Variants in SGMS1 observed in about 807,000 individuals in gnomAD.
The protein encoded by SGMS1 is sphingomyelin synthase 1.
A neutral mutation model predicts 46.2 loss-of-function variants in SGMS1; 13 were observed. The ratio of observed to expected loss-of-function variants is 0.28; its 90% CI spans 0.18 to 0.45. The LOEUF (loss-of-function observed/expected upper bound fraction) is 0.45, where lower values mean the gene tolerates loss of function less well. Ranked by LOEUF, SGMS1 falls within the 20% of genes least tolerant of loss-of-function variation. The pLI, the probability that SGMS1 is intolerant of heterozygous loss-of-function variation, is 1.00. For synonymous variants in SGMS1, 203 were observed against 187.8 expected, an observed-to-expected ratio of 1.08 and a Z score of -0.66; for missense variants, 324 against 519.9, an observed-to-expected ratio of 0.62 and a Z score of 3.66.
intron 1 of SGMS1, chr10:50,623,436 A>G: frequency 3.4e-6 from 1 of 292,954 alleles, no homozygotes; most frequent in East Asian, 1.8e-4. Context: ...TCCCCGCCCC[A>G]ACTTAGCCGG....
At chr10:50,553,660 C>A (rs1480866144) in intron 2 of SGMS1, among the ~76,000 whole-genome samples, 1 of 152,078 alleles carries the variant, frequency 6.6e-6, no homozygotes, top group Non-Finnish European at 1.5e-5. Flanking sequence ...GTCTCTGAAC[C>A]ACTGCTTTTA....
rs1847178320 is a variant in SGMS1, at chr10:50,306,043, T to C, written c.*1099A>G. The C allele has an allele frequency of 6.5e-6, 1 of 152,740 alleles. No homozygotes were observed. Among genetic ancestry groups the C allele is most frequent in the Non-Finnish European group, 1.5e-5 (1 of 67,986 alleles). The allele number at this position is 152,740 out of a possible 1,614,324, so 9.5% of individuals were successfully genotyped here. A position where few individuals can be genotyped will look rare whatever the true frequency, so the allele number is the denominator to read the frequency against. Reference sequence around the variant, plus strand: ...CATGAGAGTATGGATAACTAATTCATAGCTTTCAAGTTTTAGGTAAGTGAT... The same window carrying C: ...CATGAGAGTATGGATAACTAATTCACAGCTTTCAAGTTTTAGGTAAGTGAT... On this transcript the variant is annotated 3_prime_UTR_variant, in exon 11 of 11. Transcript: ENST00000361781.
intron 6 of SGMS1, among the ~76,000 whole-genome samples, chr10:50,350,824 G>A (rs549099203): frequency 8.3e-4 from 126 of 152,258 alleles, no homozygotes; most frequent in Non-Finnish European, 1.4e-3. Flanking sequence ...GCAGGGGCCC[G>A]GCCCTCATGG....
intron 2 of SGMS1, among the ~76,000 whole-genome samples, chr10:50,580,010 T>C (rs1288660223): frequency 6.6e-6 from 1 of 152,226 alleles, no homozygotes; most frequent in African/African-American, 2.4e-5. Context: ...GAAGGCTGTT[T>C]ATGGTTAAAG....
At chr10:50,523,964 C>T (rs1027362373) in intron 2 of SGMS1, among the ~76,000 whole-genome samples, 3 of 152,218 alleles carry the variant, frequency 2.0e-5, no homozygotes, top group African/African-American at 7.2e-5. Flanking sequence ...GTGGGACACC[C>T]TCTTGCTACT....
At chr10:50,351,154 AAT>A (rs1171684436) in intron 6 of SGMS1, among the ~76,000 whole-genome samples, 1 of 152,180 alleles carries the variant, frequency 6.6e-6, no homozygotes. Flanking sequence ...TTGGAGCTTT[AAT>A]ATTTGACTGC....
chr10:50,320,400 C>T (rs1489460405), intron 8 of SGMS1, among the ~76,000 whole-genome samples: 1 of 152,172 alleles, frequency 6.6e-6, no homozygotes, highest in African/African-American at 2.4e-5. Context: ...AAAAACACAA[C>T]ATTTGAATTC....
intron 1 of SGMS1, among the ~76,000 whole-genome samples, chr10:50,597,527 TATAATCCCACTTAC>T: frequency 6.6e-6 from 1 of 152,212 alleles, no homozygotes; most frequent in African/African-American, 2.4e-5. Flanking sequence ...AAAAAGTCTG[TATAATCCCACTTAC>T]ATAATAGTCT....
chr10:50,538,674 G>A (rs56403030), intron 2 of SGMS1, among the ~76,000 whole-genome samples: 28,617 of 152,086 alleles, frequency 0.19, 3,129 homozygotes, highest in South Asian at 0.24. Context: ...GGAGAGGGAT[G>A]ACACCATTCC....
intron 5 of SGMS1, among the ~76,000 whole-genome samples, chr10:50,453,760 A>G (rs1333210049): frequency 8.2e-6 from 1 of 122,066 alleles, no homozygotes; most frequent in African/African-American, 3.2e-5. Flanking sequence ...GGGAGAAGGA[A>G]GGAAGGAAGG....
intron 9 of SGMS1, 77 bp from the exon 10 acceptor site, chr10:50,308,225 C>A (rs912736224): frequency 3.1e-6 from 4 of 1,285,220 alleles, no homozygotes; most frequent in Non-Finnish European, 3.2e-6. Flanking sequence ...TCTACTAATG[C>A]TTCTGAATCC....
At chr10:50,398,754 G>A (rs191480636) in intron 6 of SGMS1, among the ~76,000 whole-genome samples, 14 of 152,046 alleles carry the variant, frequency 9.2e-5, no homozygotes, top group African/African-American at 3.4e-4. Flanking sequence ...TACCAAAGAA[G>A]CCTTATAAAC....
chr10:50,409,144 A>G (rs575126488), intron 6 of SGMS1, among the ~76,000 whole-genome samples: 7 of 152,234 alleles, frequency 4.6e-5, no homozygotes, highest in African/African-American at 1.7e-4. Context: ...GCACATATTT[A>G]TGGGGTACAT....
At chr10:50,432,668 A>C (rs532065253) in intron 6 of SGMS1, among the ~76,000 whole-genome samples, 8 of 152,374 alleles carry the variant, frequency 5.3e-5, no homozygotes, top group African/African-American at 1.9e-4. Flanking sequence ...CACAAATATA[A>C]GGAAGAAAAG....
chr10:50,415,096 G>C lies in SGMS1; in HGVS notation c.-232+18380C>G, dbSNP rs553897346. ...AGATCGCGCCACTGCACTCCAGCCT[G>C]GGTGACAGAGCGAGACTCCGTCTCA... On this transcript the variant is annotated intron_variant, in intron 6 of 10. Transcript: ENST00000361781. 1.3e-4 allele frequency among the ~76,000 whole-genome samples: 20 copies of C among 152,336 alleles called. No individual in the cohort carries two copies. In the South Asian group the frequency reaches 2.3e-3, roughly 17 times the overall value.
Position 50,353,797 on chromosome 10 carries a change from A to T in SGMS1, c.-231-9452T>A, listed in dbSNP as rs1239385251. On this transcript the variant is annotated intron_variant, in intron 6 of 10. Transcript: ENST00000361781. The stretch of plus-strand genomic sequence containing the variant: ...ACAAGCATTCTTATACACCAATAAC[A>T]GACAAACAGAGAGCCAAATCATGAG... 3.3e-5 allele frequency among the ~76,000 whole-genome samples: 5 copies of T among 152,216 alleles called. No homozygotes were observed. The East Asian group carries it at 9.6e-4, about 29-fold the overall frequency.
At chr10:50,551,232 C>A (rs149854843) in intron 2 of SGMS1, among the ~76,000 whole-genome samples, 3 of 151,712 alleles carry the variant, frequency 2.0e-5, no homozygotes, top group African/African-American at 7.3e-5. Flanking sequence ...AGATATAATA[C>A]GATGAAAATG....
intron 6 of SGMS1, among the ~76,000 whole-genome samples, chr10:50,355,142 A>T (rs908986014): frequency 1.3e-5 from 2 of 152,260 alleles, no homozygotes; most frequent in Admixed American, 1.3e-4. Flanking sequence ...ACACATGCAC[A>T]TGTATGTTTA....
intron 3 of SGMS1, among the ~76,000 whole-genome samples, chr10:50,507,092 C>T (rs1158138637): frequency 6.6e-6 from 1 of 152,292 alleles, no homozygotes; most frequent in Admixed American, 6.5e-5. Context: ...GCAACTGGCA[C>T]AAGATCACAC....
Sources: gnomAD v4.1 joint callset for allele counts (sites outside exome capture counted in the v4.1 genomes callset) on GRCh38, gnomAD v4.1.1 for gene constraint, MANE v1.5 for transcripts, NCBI Gene and HGNC (gene_info 2026-07-23, HGNC 2026-07-21) for gene names.